Variants in PAPPA2 observed in about 807,000 individuals in gnomAD.
The protein encoded by PAPPA2 is pappalysin-2.
In PAPPA2, 86 loss-of-function variants were observed where a neutral mutation model predicts 176.4. The ratio of observed to expected loss-of-function variants is 0.49; its 90% CI spans 0.41 to 0.58. PAPPA2 has a LOEUF of 0.58. Among genes scored for constraint, PAPPA2 ranks in the 20% least tolerant of loss-of-function variants. PAPPA2 has a pLI of 0.00. For synonymous variants in PAPPA2, 809 were observed against 852.2 expected, an observed-to-expected ratio of 0.95 and a Z score of 0.88; for missense variants, 2,073 against 2,256.9, an observed-to-expected ratio of 0.92 and a Z score of 1.65.
At chr1:176,520,138 A>C (rs1196200210) in intron 1 of PAPPA2, among the ~76,000 whole-genome samples, 2 of 152,212 alleles carry the variant, frequency 1.3e-5, no homozygotes, top group African/African-American at 4.8e-5. Context: ...TAGACAAGGA[A>C]CAAAGTGGGA....
chr1:176,615,487 C>CT (rs1159282970), intron 3 of PAPPA2, among the ~76,000 whole-genome samples: 1 of 151,674 alleles, frequency 6.6e-6, no homozygotes, highest in African/African-American at 2.4e-5. Flanking sequence ...ATTTTTTTTT[C>CT]TTTTTTCTTT....
intron 1 of PAPPA2, among the ~76,000 whole-genome samples, chr1:176,495,796 G>T (rs1037929032): frequency 7.0e-6 from 1 of 143,760 alleles, no homozygotes; most frequent in African/African-American, 2.7e-5. Flanking sequence ...ATTTTGGTGT[G>T]AATTTTTTTT....
chr1:176,808,199 G>A (rs1665990689), intron 21 of PAPPA2, among the ~76,000 whole-genome samples: 1 of 151,978 alleles, frequency 6.6e-6, no homozygotes. Flanking sequence ...TTTTTTAAAT[G>A]CAGATTCTTA....
Position 176,594,827 on chromosome 1 carries a change from T to C in PAPPA2, c.1223T>C (p.Leu408Pro). 6.2e-7 allele frequency: 1 copy of C among 1,614,162 alleles called. No individual in the cohort carries two copies. The highest frequency in any genetic ancestry group is 1.6e-4 in the Middle Eastern group (1 of 6,062). Residue 408 changes from leucine (L) to proline (P), a missense_variant, in exon 3 of 23, where the codon CTG (leucine) becomes CCG (proline). Around this residue, in one of 4 missense-constraint regions of PAPPA2, gnomAD observed 1,196 missense variants for 1,330.4 expected, o/e 0.90. Coordinates refer to ENST00000367662, the MANE Select transcript of PAPPA2 (RefSeq NM_020318.3). Reference protein sequence around the residue: ...PFMASCRSLLLGGDSSEDGHY... With the variant: ...PFMASCRSLLPGGDSSEDGHY... ...ATGGCATCTTGCCGCTCTTTGCTCC[T>C]GGGGGGAGACAGCTCTGAGGATGGG...
At chr1:176,632,474 A>G (rs558458513) in intron 3 of PAPPA2, among the ~76,000 whole-genome samples, 2 of 152,192 alleles carry the variant, frequency 1.3e-5, no homozygotes, top group East Asian at 3.9e-4. Flanking sequence ...GCTTGCAGTG[A>G]GTCGAGATCG....
At chr1:176,832,722 G>A (rs1358726882) in intron 21 of PAPPA2, among the ~76,000 whole-genome samples, 1 of 152,154 alleles carries the variant, frequency 6.6e-6, no homozygotes, top group Non-Finnish European at 1.5e-5. Flanking sequence ...ATTACGCCCT[G>A]GGTACCTTGG....
At chr1:176,554,085 T>TG (rs1483225982) in intron 1 of PAPPA2, among the ~76,000 whole-genome samples, 3 of 152,216 alleles carry the variant, frequency 2.0e-5, no homozygotes, top group African/African-American at 4.8e-5. Flanking sequence ...GATATCTTCT[T>TG]GGGGGACTTG....
intron 3 of PAPPA2, among the ~76,000 whole-genome samples, chr1:176,663,686 A>G (rs146652229): frequency 1.3e-5 from 2 of 152,232 alleles, no homozygotes; most frequent in East Asian, 3.9e-4. Context: ...AAGCTGAGAT[A>G]CATTGATGGT....
intron 2 of PAPPA2, among the ~76,000 whole-genome samples, chr1:176,590,643 G>T (rs796070478): frequency 6.6e-6 from 1 of 152,104 alleles, no homozygotes; most frequent in African/African-American, 2.4e-5. Flanking sequence ...CTCAGCTTGT[G>T]GTTGAAGATG....
intron 3 of PAPPA2, among the ~76,000 whole-genome samples, chr1:176,650,777 TTTC>T (rs1657672709): frequency 6.6e-6 from 1 of 151,762 alleles, no homozygotes; most frequent in African/African-American, 2.4e-5. Context: ...TATTTTGTTC[TTTC>T]TTCTTTTATT....
intron 14 of PAPPA2, among the ~76,000 whole-genome samples, chr1:176,741,737 A>G (rs1315221837): frequency 2.0e-5 from 3 of 152,218 alleles, no homozygotes; most frequent in Non-Finnish European, 4.4e-5. Context: ...GAATGTCATA[A>G]GGTTAACTAG....
intron 14 of PAPPA2, among the ~76,000 whole-genome samples, chr1:176,756,422 A>G (rs957721829): frequency 6.6e-6 from 1 of 152,222 alleles, no homozygotes; most frequent in Non-Finnish European, 1.5e-5. Context: ...GGCAAAGTTC[A>G]GACTCATGTT....
Position 176,811,377 on chromosome 1 carries a change from A to G in PAPPA2, c.5202+11245A>G, listed in dbSNP as rs986024688. ...CTTTGCCACACTTCAGCTGTTTACA[A>G]ATCAGATATAATAATCATTCCTTCC... On this transcript the variant is annotated intron_variant, in intron 21 of 22. Transcript: ENST00000367662. 2.0e-5 allele frequency among the ~76,000 whole-genome samples: 3 copies of G among 152,204 alleles called. No individual in the cohort carries two copies. In the East Asian group the frequency reaches 5.8e-4, roughly 29 times the overall value.
At chr1:176,554,432 G>C (rs532815798) in intron 1 of PAPPA2, among the ~76,000 whole-genome samples, 14 of 152,340 alleles carry the variant, frequency 9.2e-5, no homozygotes, top group Admixed American at 2.0e-4. Context: ...CATGCCGTGT[G>C]TTTGTCCATG....
At chr1:176,643,463 T>A (rs889895404) in intron 3 of PAPPA2, among the ~76,000 whole-genome samples, 1 of 151,730 alleles carries the variant, frequency 6.6e-6, no homozygotes, top group African/African-American at 2.4e-5. Context: ...AACCATTCTT[T>A]GTTCACAGGC....
At chr1:176,588,807 G>T (rs921174154) in intron 2 of PAPPA2, among the ~76,000 whole-genome samples, 2 of 152,326 alleles carry the variant, frequency 1.3e-5, no homozygotes, top group African/African-American at 4.8e-5. Context: ...TGGGCATACA[G>T]CTGCTTGGCT....
At chr1:176,502,298 ATGTT>A (rs1648011319) in intron 1 of PAPPA2, among the ~76,000 whole-genome samples, 1 of 152,160 alleles carries the variant, frequency 6.6e-6, no homozygotes, top group African/African-American at 2.4e-5. Context: ...AGTGAAGTCT[ATGTT>A]TGTCATTTGG....
chr1:176,812,540 G>A (rs193294706), intron 21 of PAPPA2, among the ~76,000 whole-genome samples: 21 of 152,106 alleles, frequency 1.4e-4, no homozygotes, highest in East Asian at 3.9e-4. Flanking sequence ...GAGATTATTC[G>A]TGAATCCTAT....
chr1:176,697,136 A>G (rs1660423949), intron 7 of PAPPA2, among the ~76,000 whole-genome samples: 1 of 152,016 alleles, frequency 6.6e-6, no homozygotes, highest in Admixed American at 6.6e-5. Flanking sequence ...AGGGGGAAAA[A>G]TCAGTTATCT....
Sources: allele counts gnomAD v4.1 joint callset (sites outside exome capture counted in the v4.1 genomes callset), GRCh38; gene constraint gnomAD v4.1.1; regional missense constraint gnomAD v4.1.1; transcripts MANE v1.5; gene names NCBI Gene and HGNC (gene_info 2026-07-23, HGNC 2026-07-21).